Variants in ITGA2B observed in about 807,000 individuals in gnomAD.
ITGA2B encodes integrin alpha-IIb.
In ITGA2B, 91 loss-of-function variants were observed where a neutral mutation model predicts 142.0. The observed-to-expected ratio is 0.64, with a 90% CI of 0.54 to 0.76. The LOEUF is 0.76. Among genes scored for constraint, ITGA2B ranks in the 30% least tolerant of loss-of-function variants. ITGA2B has a pLI of 0.00. For synonymous variants in ITGA2B, 536 were observed against 567.2 expected (o/e 0.94, Z 0.78); for missense variants, 1,231 against 1,350.8 (o/e 0.91, Z 1.39).
intron 23 of ITGA2B, 25 bp downstream of exon 23, chr17:44,376,283 C>G: frequency 6.2e-7 from 1 of 1,614,110 alleles, no homozygotes; most frequent in Non-Finnish European, 8.5e-7. Context: ...AATGCCATCT[C>G]CCTTCTCCAC....
intron 1 of ITGA2B, among the ~76,000 whole-genome samples, chr17:44,387,118 T>C (rs556653702): frequency 3.9e-5 from 6 of 152,172 alleles, no homozygotes; most frequent in Admixed American, 3.3e-4. Context: ...TCACTACTTA[T>C]AGGAGGGGAA....
At chr17:44,377,196 TTC>T (rs2048552728) in intron 21 of ITGA2B, 108 bp from the exon 22 acceptor site, 1 of 860,744 alleles carries the variant, frequency 1.2e-6, no homozygotes, top group Non-Finnish European at 1.9e-6. Context: ...ACTATTCTTT[TTC>T]TTTTTTTTTT....
intron 11 of ITGA2B, 62 bp downstream of exon 11, chr17:44,383,832 C>G: frequency 3.8e-6 from 6 of 1,598,328 alleles, no homozygotes; most frequent in Non-Finnish European, 5.1e-6. Flanking sequence ...GAAAGGGAGA[C>G]AGAGGGCAGC....
intron 21 of ITGA2B, 136 bp downstream of exon 21, chr17:44,377,562 C>T (rs746235562): frequency 1.4e-6 from 1 of 709,032 alleles, no homozygotes; most frequent in Admixed American, 2.0e-5. Flanking sequence ...AAGTCACTCA[C>T]CCAAGGACAT....
intron 1 of ITGA2B, among the ~76,000 whole-genome samples, chr17:44,388,491 G>A (rs1238845448): frequency 1.3e-5 from 2 of 151,182 alleles, no homozygotes; most frequent in Non-Finnish European, 2.9e-5. Flanking sequence ...CGAGTAGCTG[G>A]GATTACAAGC....
Position 44,375,647 on chromosome 17 carries a change from G to C in ITGA2B, c.2671C>G (p.Gln891Glu). The C allele has an allele frequency of 6.2e-7, 1 of 1,613,216 alleles. No homozygotes were observed. Among genetic ancestry groups the C allele is most frequent in the Non-Finnish European group, 8.5e-7 (1 of 1,179,738 alleles). ...TGCTCGGGCTCTGGCAGGAAGATCT[G>C]TCTGCGATCCCGCTTGTGATGGGCC... ...HPAHHKRDRR[Q>E]IFLPEPEQPS... Residue 891 changes from glutamine (Q) to glutamate (E), a missense_variant, in exon 26 of 30, where the codon CAG becomes GAG. Coordinates refer to ENST00000262407, the MANE Select transcript of ITGA2B (RefSeq NM_000419.5).
intron 21 of ITGA2B, 130 bp downstream of exon 21, chr17:44,377,568 G>GT (rs1293418084): frequency 2.8e-6 from 2 of 718,626 alleles, no homozygotes; most frequent in African/African-American, 3.5e-5. Flanking sequence ...CTCACCCAAG[G>GT]ACATGTGGCA....
chr17:44,388,328 G>A (rs1289514080), intron 1 of ITGA2B, among the ~76,000 whole-genome samples: 1 of 149,026 alleles, frequency 6.7e-6, no homozygotes, highest in African/African-American at 2.5e-5. Flanking sequence ...TTTAGGACAT[G>A]TGCTCCTCTC....
intron 12 of ITGA2B, among the ~76,000 whole-genome samples, chr17:44,382,667 C>T (rs2143472804): frequency 6.6e-6 from 1 of 152,256 alleles, no homozygotes; most frequent in Admixed American, 6.5e-5. Flanking sequence ...TATGAGCCAC[C>T]ATGCCTGGCA....
At chr17:44,374,307 G>A (rs761181286) in intron 29 of ITGA2B, 47 bp downstream of exon 29, 7 of 1,562,900 alleles carry the variant, frequency 4.5e-6, no homozygotes, top group Non-Finnish European at 6.2e-6. Flanking sequence ...GCAGGGCAGA[G>A]CCAAGCCTGT....
At position 44,389,369 on chromosome 17, in the gene ITGA2B, G is replaced by C; in HGVS notation, c.105C>G (p.Asp35Glu). The C allele has an allele frequency of 6.2e-7, 1 of 1,614,188 alleles. No individual in the cohort carries two copies. The highest frequency in any genetic ancestry group is 8.5e-7 in the Non-Finnish European group (1 of 1,180,040). ...AAPPAWALNL[D>E]PVQLTFYAGP... Reference sequence around the variant, plus strand: ...CTGCATAGAAGGTGAGCTGCACTGGGTCCAGGTTCAAGGCCCAGGCTGGAG... The same window carrying C: ...CTGCATAGAAGGTGAGCTGCACTGGCTCCAGGTTCAAGGCCCAGGCTGGAG... Residue 35 changes from aspartate to glutamate, a missense_variant, in exon 1 of 30, where the codon GAC (aspartate) becomes GAG (glutamate). Around this residue, in one of 3 missense-constraint regions of ITGA2B, gnomAD observed 318 missense variants for 312.2 expected, o/e 1.02. Transcript: ENST00000262407.
In ITGA2B at chr17:44,383,720, G is replaced by GTGGT; in HGVS notation, c.999-20_999-17dup. ...ATCATGCCTCCTGTGGGCCAGATGA[G>GTGGT]TGGTTACATGGGACTGGACCAGGGG... On this transcript the variant is annotated splice_polypyrimidine_tract_variant and intron_variant, in intron 11 of 29. Transcript: ENST00000262407. 1.9e-6 allele frequency: 3 copies of GTGGT among 1,563,720 alleles called. No homozygotes were observed. Among genetic ancestry groups the GTGGT allele is most frequent in the Non-Finnish European group, 1.7e-6 (2 of 1,153,586 alleles).
Position 44,383,894 on chromosome 17 carries a change from C to G in ITGA2B, c.998G>C (p.Gly333Ala). Residue 333 changes from glycine to alanine, a missense_variant and splice_region_variant, in exon 11 of 30, where the codon GGG (glycine) becomes GCG (alanine). This residue lies in a region of ITGA2B where 908 missense variants were observed against 1,021.1 expected (regional missense o/e 0.89). Transcript: ENST00000262407. ...AGGGGTGGGGCATGTCCCTCCTCAC[C>G]CATCCCCGTTGACGTCAGTGACAGC... is the stretch of plus-strand genomic sequence containing the variant. ...SVAVTDVNGD[G>A]RHDLLVGAPL... 6.2e-7 allele frequency: 1 copy of G among 1,613,602 alleles called. No homozygotes were observed. The highest frequency in any genetic ancestry group is 2.2e-5 in the East Asian group (1 of 44,868).
At position 44,381,058 on chromosome 17, in the gene ITGA2B, A is replaced by C. The variant is rs75622274; in HGVS notation, c.1214T>G (p.Ile405Ser). ...GDLDRDGYNDIAVAAPYGGPS... is the reference protein window; with the variant it reads ...GDLDRDGYNDSAVAAPYGGPS... ...ACCCCCGTAGGGGGCAGCCACTGCAATGTCTGGAAGGAGTAACAGAAAGGA... is the reference window on the plus strand; with the variant it reads ...ACCCCCGTAGGGGGCAGCCACTGCACTGTCTGGAAGGAGTAACAGAAAGGA... Residue 405 changes from isoleucine to serine, a missense_variant, in exon 13 of 30, where the codon ATT becomes AGT. Physicochemically the swap from Ile to Ser is moderately radical, Grantham distance 142 (BLOSUM62 -2). Coordinates refer to ENST00000262407, the MANE Select transcript of ITGA2B (RefSeq NM_000419.5). 1 of 1,613,358 alleles carries C rather than the reference A, an allele frequency of 6.2e-7. No homozygotes were observed. Among genetic ancestry groups the C allele is most frequent in the Admixed American group, 1.7e-5 (1 of 59,928 alleles).
chr17:44,379,937 A>C (rs1444481181), intron 17 of ITGA2B, 65 bp downstream of exon 17: 2 of 1,612,952 alleles, frequency 1.2e-6, no homozygotes, highest in Non-Finnish European at 1.7e-6. Context: ...CCCCAGGGCT[A>C]GATGAACAAG....
chr17:44,388,058 G>A (rs2143500734), intron 1 of ITGA2B, among the ~76,000 whole-genome samples: 1 of 152,032 alleles, frequency 6.6e-6, no homozygotes, highest in South Asian at 2.1e-4. Context: ...ACACTTGAAG[G>A]CTATCTGCCA....
Position 44,378,681 on chromosome 17 carries a change from A to G in ITGA2B, c.1908T>C (p.Asp636=). Residue 636 remains aspartate, a synonymous_variant, in exon 19 of 30, where the codon GAT becomes GAC. Transcript: ENST00000262407. The part of the protein sequence containing the change: ...QTRIVLDCGE[D]DVCVPQLQLT... Reference sequence around the variant, plus strand: ...GCTGAAGCTGGGGCACACATACGTCATCTTCCCCACAGTCCAGGACGATTC... The same window carrying G: ...GCTGAAGCTGGGGCACACATACGTCGTCTTCCCCACAGTCCAGGACGATTC... 6.4e-7 allele frequency: 1 copy of G among 1,560,168 alleles called. No homozygotes were observed. The highest frequency in any genetic ancestry group is 8.7e-7 in the Non-Finnish European group (1 of 1,151,494).
intron 18 of ITGA2B, 145 bp downstream of exon 18, chr17:44,379,544 A>G (rs2048575342): frequency 7.5e-7 from 1 of 1,330,782 alleles, no homozygotes. Flanking sequence ...GTGAGCCACC[A>G]TGACTGGCTG....
intron 17 of ITGA2B, 63 bp from the exon 18 acceptor site, chr17:44,379,877 G>A: frequency 6.2e-7 from 1 of 1,612,896 alleles, no homozygotes; most frequent in Non-Finnish European, 8.5e-7. Context: ...CTCCTGGCCA[G>A]TAGGCACCGT....
Sources: gnomAD v4.1 joint callset for allele counts (sites outside exome capture counted in the v4.1 genomes callset) on GRCh38, gnomAD v4.1.1 for gene constraint, gnomAD v4.1.1 regional missense constraint, MANE v1.5 for transcripts, NCBI Gene and HGNC (gene_info 2026-07-23, HGNC 2026-07-21) for gene names.